The following ZNF726 variants were observed in gnomAD, a reference collection of about 807,000 sequenced individuals.
The protein encoded by ZNF726 is zinc finger protein 92 pseudogene 3.
ZNF726 carries 15 observed loss-of-function variants against 11.6 expected under a neutral mutation model. The ratio of observed to expected loss-of-function variants is 1.29; its 90% confidence interval spans 0.86 to 1.99. The LOEUF is 1.99. Among genes scored for constraint, ZNF726 ranks in the 30% most tolerant of loss-of-function variants. ZNF726 has a pLI of 0.00. For missense variants in ZNF726, 890 were observed against 725.6 expected (o/e 1.23, Z -2.60); for synonymous variants, 295 against 243.6 (o/e 1.21, Z -1.96).
chr19:23,942,086 G>T (rs1968347324), intron 3 of ZNF726, among the ~76,000 whole-genome samples: 1 of 152,030 alleles, frequency 6.6e-6, no homozygotes, highest in African/African-American at 2.4e-5. Flanking sequence ...CAGACTTTTT[G>T]ATGTAGGCAT....
chr19:23,939,710 G>C (rs970053543), intron 3 of ZNF726, among the ~76,000 whole-genome samples: 1 of 152,044 alleles, frequency 6.6e-6, no homozygotes, highest in Non-Finnish European at 1.5e-5. Context: ...TTTGATTATG[G>C]CCATTCTTGC....
chr19:23,939,130 TC>T (rs1213125151), downstream of ZNF726, among the ~76,000 whole-genome samples: 3 of 149,466 alleles, frequency 2.0e-5, no homozygotes, highest in South Asian at 4.3e-4. Context: ...TTCCCACTCT[TC>T]CCCCCCAAGT....
intron 3 of ZNF726, among the ~76,000 whole-genome samples, chr19:23,921,745 AGT>A (rs1294434078): frequency 3.3e-5 from 5 of 152,134 alleles, no homozygotes; most frequent in Admixed American, 6.5e-5. Flanking sequence ...TAATCAACTG[AGT>A]GTATTAATTA....
At chr19:23,941,979 T>C (rs1038442869) in intron 3 of ZNF726, among the ~76,000 whole-genome samples, 1 of 152,172 alleles carries the variant, frequency 6.6e-6, no homozygotes, top group Non-Finnish European at 1.5e-5. Flanking sequence ...AGTTATGTTC[T>C]GATCATGGTT....
In ZNF726 at chr19:23,914,905, G is replaced by T; in HGVS notation, c.-90G>T. The T allele has an allele frequency of 6.3e-7, 1 of 1,582,580 alleles. No individual in the cohort carries two copies. Among genetic ancestry groups the T allele is most frequent in the Non-Finnish European group, 8.6e-7 (1 of 1,160,738 alleles). On this transcript the variant is annotated 5_prime_UTR_variant, in exon 1 of 4. Transcript: ENST00000594466. ...GCCTTTGTCTCTATCTGCGGCCGGAGCTCCAGGTCTCGTCCTCACTACTCT... is the reference window on the plus strand; with the variant it reads ...GCCTTTGTCTCTATCTGCGGCCGGATCTCCAGGTCTCGTCCTCACTACTCT...
chr19:23,921,483 TA>T (rs1454361377), intron 3 of ZNF726: 2 of 152,190 alleles, frequency 1.3e-5, no homozygotes, highest in East Asian at 3.8e-4. Context: ...TCACCTTAGA[TA>T]ATATGGCAGT....
intron 3 of ZNF726, among the ~76,000 whole-genome samples, chr19:23,924,757 G>A (rs557971288): frequency 6.6e-6 from 1 of 152,188 alleles, no homozygotes; most frequent in African/African-American, 2.4e-5. Flanking sequence ...GCAAGGCATG[G>A]TGGTGTGCAC....
rs747545697 is a variant in ZNF726, at chr19:23,934,350, C to G, written c.*383C>G. 6 of 548,330 alleles carry G rather than the reference C, an allele frequency of 1.1e-5. No individual in the cohort carries two copies. The African/African-American group carries it at 1.1e-4, about 10-fold the overall frequency. The allele number at this position is 548,330 out of a possible 1,614,324, so 34.0% of individuals were successfully genotyped here. ...GCCTTTAAATGTTCCTCAACTGTTA[C>G]TGAACATAAAGTAATTCATACTGAA... On this transcript the variant is annotated 3_prime_UTR_variant, in exon 4 of 4. Coordinates refer to ENST00000594466, the MANE Select transcript of ZNF726 (RefSeq NM_001244038.2).
Position 23,932,580 on chromosome 19 carries a change from A to G in ZNF726, c.464A>G (p.Tyr155Cys), listed in dbSNP as rs749472223. Residue 155 changes from tyrosine to cysteine, a missense_variant, in exon 4 of 4, where the codon TAT becomes TGT. Transcript: ENST00000594466. Reference protein sequence around the residue: ...SQCGKYLKVFYKFINLNRYKI... With the variant: ...SQCGKYLKVFCKFINLNRYKI... Reference sequence around the variant, plus strand: ...TGTGGTAAATATTTGAAAGTCTTTTATAAATTTATAAATTTAAACAGATAT... The same window carrying G: ...TGTGGTAAATATTTGAAAGTCTTTTGTAAATTTATAAATTTAAACAGATAT... 5 of 1,544,714 alleles carry G rather than the reference A, an allele frequency of 3.2e-6. No homozygotes were observed. The South Asian group carries it at 3.7e-5, about 11-fold the overall frequency.
intron 1 of ZNF726, among the ~76,000 whole-genome samples, chr19:23,915,781 C>T (rs962088294): frequency 2.3e-4 from 35 of 151,896 alleles, no homozygotes; most frequent in African/African-American, 8.2e-4. Context: ...GGGGTTTCAC[C>T]GTGTTGGTCA....
downstream of ZNF726, chr19:23,936,086 G>A (rs147403788): frequency 7.3e-4 from 111 of 152,240 alleles, 1 homozygote; most frequent in East Asian, 0.017. Context: ...CCCTGCAAAT[G>A]TAATGAATTT....
At chr19:23,930,539 C>T (rs1405450526) in intron 3 of ZNF726, among the ~76,000 whole-genome samples, 1 of 151,872 alleles carries the variant, frequency 6.6e-6, no homozygotes, top group East Asian at 1.9e-4. Context: ...TATGAATTAG[C>T]CATATGTCTT....
chr19:23,939,195 C>T (rs1968298074), downstream of ZNF726, among the ~76,000 whole-genome samples: 1 of 151,890 alleles, frequency 6.6e-6, no homozygotes, highest in East Asian at 1.9e-4. Context: ...ATCTTACCTC[C>T]CACATATCAG....
At position 23,933,433 on chromosome 19, in the gene ZNF726, C is replaced by A. The variant is rs769159199; in HGVS notation, c.1317C>A (p.Asn439Lys). 43 of 1,611,906 alleles carry A rather than the reference C, an allele frequency of 2.7e-5. No individual in the cohort carries two copies. The highest frequency in any genetic ancestry group is 2.0e-4 in the Admixed American group (12 of 59,748). ...GCAAAGCGTTTATATGGTCCTCAAACCTTACTGAACATAAGAAAATTCATA... is the reference window on the plus strand; with the variant it reads ...GCAAAGCGTTTATATGGTCCTCAAAACTTACTGAACATAAGAAAATTCATA... Reference protein sequence around the residue: ...ECGKAFIWSSNLTEHKKIHTR... With the variant: ...ECGKAFIWSSKLTEHKKIHTR... Residue 439 changes from asparagine (N) to lysine (K), a missense_variant, in exon 4 of 4, where the codon AAC becomes AAA. Asn to Lys is a moderately conservative substitution (Grantham distance 94). Transcript: ENST00000594466.
At chr19:23,938,684 T>G (rs1199368926), downstream of ZNF726, among the ~76,000 whole-genome samples, 2 of 151,248 alleles carry the variant, frequency 1.3e-5, no homozygotes, top group Non-Finnish European at 2.9e-5. Context: ...GTTGGCTCAT[T>G]GCAATCTCTG....
chr19:23,935,480 A>C (rs1968214720), downstream of ZNF726: 2 of 476,154 alleles, frequency 4.2e-6, no homozygotes, highest in African/African-American at 4.0e-5. Context: ...AATAATATGG[A>C]AAGCCTAAAA....
chr19:23,917,501 A>T (rs1967731386), intron 1 of ZNF726, among the ~76,000 whole-genome samples: 1 of 152,136 alleles, frequency 6.6e-6, no homozygotes. Flanking sequence ...AAGAAAAAAA[A>T]AAAAAATCTC....
At chr19:23,917,974 T>C (rs1199432236) in intron 1 of ZNF726, among the ~76,000 whole-genome samples, 2 of 152,198 alleles carry the variant, frequency 1.3e-5, no homozygotes, top group African/African-American at 4.8e-5. Flanking sequence ...TCCTTCTTAC[T>C]GTGTCCTGTC....
At chr19:23,924,437 A>T (rs1967933521) in intron 3 of ZNF726, among the ~76,000 whole-genome samples, 1 of 152,142 alleles carries the variant, frequency 6.6e-6, no homozygotes, top group Non-Finnish European at 1.5e-5. Flanking sequence ...GTGTTTAATG[A>T]TGAATATATA....
Sources: gnomAD v4.1 joint callset for allele counts (sites outside exome capture counted in the v4.1 genomes callset) on GRCh38, gnomAD v4.1.1 for gene constraint, MANE v1.5 for transcripts, NCBI Gene and HGNC (gene_info 2026-07-23, HGNC 2026-07-21) for gene names.